DVL2: variants seen among roughly 807,000 people sequenced by gnomAD.
DVL2 encodes the protein dishevelled segment polarity protein 2.
A neutral mutation model predicts 69.8 loss-of-function variants in DVL2; 38 were observed. The observed-to-expected ratio is 0.54, with a 90% CI of 0.42 to 0.71. The LOEUF is 0.71. Among genes scored for constraint, DVL2 ranks in the 30% least tolerant of loss-of-function variants. DVL2 has a pLI of 0.00. For missense variants in DVL2, 931 were observed against 1,008.1 expected (o/e 0.92, Z 1.04); for synonymous variants, 428 against 392.4 (o/e 1.09, Z -1.07).
At chr17:7,227,315 C>A in intron 12 of DVL2, 46 bp from the exon 13 acceptor site, 1 of 1,600,666 alleles carries the variant, frequency 6.2e-7, no homozygotes, top group Non-Finnish European at 8.5e-7. Flanking sequence ...CTTCTTCCAA[C>A]TCCTGCTCTC....
Position 7,234,045 on chromosome 17 carries a change from G to A in DVL2, c.194+24C>T, listed in dbSNP as rs748084163. 8.1e-6 allele frequency: 13 copies of A among 1,612,266 alleles called. No homozygotes were observed. The South Asian group carries it at 1.4e-4, about 18-fold the overall frequency. On this transcript the variant is annotated intron_variant, in intron 1 of 14. Coordinates refer to ENST00000005340, the MANE Select transcript of DVL2 (RefSeq NM_004422.3). Reference sequence around the variant, plus strand: ...ATCCACTCTAGCAAAGCCCCCGCCGGTCCTATCTAGGCCTTGCGCTCACCC... The same window carrying A: ...ATCCACTCTAGCAAAGCCCCCGCCGATCCTATCTAGGCCTTGCGCTCACCC...
intron 1 of DVL2, among the ~76,000 whole-genome samples, chr17:7,232,896 TG>T (rs1567576540): frequency 6.6e-6 from 1 of 151,782 alleles, no homozygotes; most frequent in East Asian, 1.9e-4. Context: ...GAGACCAGTC[TG>T]GCTAAAACGG....
In DVL2 at chr17:7,230,107, G is replaced by A. The variant is rs918002959; in HGVS notation, c.459C>T (p.Thr153=). ...CCCGCCTCAGTGACACTACTGACTC[G>A]GTTTCTGTCTCAGGCTCCAGATTCT... is the stretch of plus-strand genomic sequence containing the variant. The part of the protein sequence containing the change: ...SHENLEPETE[T]ESVVSLRRER... The change falls in exon 4 of 15, where the codon ACC becomes ACT. Residue 153 remains threonine (T), a synonymous_variant. Coordinates refer to ENST00000005340, the MANE Select transcript of DVL2 (RefSeq NM_004422.3). 19 of 1,614,046 alleles carry A rather than the reference G, an allele frequency of 1.2e-5. No homozygotes were observed. The highest frequency in any genetic ancestry group is 4.0e-5 in the African/African-American group (3 of 74,930).
At chr17:7,231,395 A>G (rs1303199344) in intron 1 of DVL2, among the ~76,000 whole-genome samples, 1 of 144,226 alleles carries the variant, frequency 6.9e-6, no homozygotes, top group East Asian at 2.2e-4. Flanking sequence ...CCCGGGAGAC[A>G]GTGGTTGCAG....
In DVL2 at chr17:7,229,817, G is replaced by A. The variant is rs1020549764; in HGVS notation, c.647C>T (p.Thr216Ile). 18 of 1,611,764 alleles carry A rather than the reference G, an allele frequency of 1.1e-5. No homozygotes were observed. The highest frequency in any genetic ancestry group is 4.0e-5 in the African/African-American group (3 of 74,916). ...CTGTGCGGAGCCACACCTGCTCATGGTGTCCTCCTCGTCCGAGTCCCCCAG... is the reference window on the plus strand; with the variant it reads ...CTGTGCGGAGCCACACCTGCTCATGATGTCCTCCTCGTCCGAGTCCCCCAG... Reference protein sequence around the residue: ...TSLGDSDEEDTMSRFSSSTEQ... With the variant: ...TSLGDSDEEDIMSRFSSSTEQ... The change falls in exon 5 of 15, where the codon ACC becomes ATC. Residue 216 changes from threonine to isoleucine, a missense_variant. Transcript: ENST00000005340. The surrounding 1 kb of genome is among the most constrained non-coding windows in gnomAD (Gnocchi z 4.4).
In DVL2 at chr17:7,230,376, G is replaced by C. The variant is rs772423522; in HGVS notation, c.319C>G (p.Arg107Gly). The change falls in exon 3 of 15, where the codon CGG becomes GGG. Residue 107 changes from arginine to glycine, a missense_variant. Coordinates refer to ENST00000005340, the MANE Select transcript of DVL2 (RefSeq NM_004422.3). ...GGGGCTGGAGGCGCCAGTTCTGCCCGAGGCTCATGGACTGGAGGGGCCATC... is the reference window on the plus strand; with the variant it reads ...GGGGCTGGAGGCGCCAGTTCTGCCCCAGGCTCATGGACTGGAGGGGCCATC... ...PEMAPPVHEP[R>G]AELAPPAPPL... The C allele has an allele frequency of 1.2e-6, 2 of 1,614,170 alleles. No individual in the cohort carries two copies. The highest frequency in any genetic ancestry group is 1.7e-6 in the Non-Finnish European group (2 of 1,180,024).
At chr17:7,227,956 C>T (rs764026787) in intron 10 of DVL2, 21 bp downstream of exon 10, 2 of 1,576,132 alleles carry the variant, frequency 1.3e-6, no homozygotes, top group South Asian at 1.2e-5. Flanking sequence ...AACTTCAGGC[C>T]CCTCCCTGAG....
intron 13 of DVL2, 58 bp from the exon 14 acceptor site, chr17:7,226,697 A>G: frequency 1.5e-6 from 2 of 1,316,622 alleles, no homozygotes; most frequent in Non-Finnish European, 2.0e-6. Flanking sequence ...GGGCCCCAAG[A>G]CACCGAATGG....
At chr17:7,226,699 A>G (rs1159811931) in intron 13 of DVL2, 60 bp from the exon 14 acceptor site, 54 of 1,305,380 alleles carry the variant, frequency 4.1e-5, no homozygotes, top group South Asian at 1.7e-4. Flanking sequence ...GCCCCAAGAC[A>G]CCGAATGGAG....
chr17:7,227,184 G>A lies in DVL2; in HGVS notation c.1449C>T (p.Leu483=), dbSNP rs772868815. The A allele has an allele frequency of 9.9e-6, 16 of 1,613,940 alleles. No homozygotes were observed. The East Asian group carries it at 2.9e-4, about 29-fold the overall frequency. The change falls in exon 13 of 15, where the codon CTC becomes CTT. Residue 483 remains leucine, a synonymous_variant. Transcript: ENST00000005340. ...REARKYASGL[L]KAGLIRHTVN... is the part of the protein sequence containing the mutation. ...CGGTGTGTCGGATCAGGCCTGCTTT[G>A]AGCAGCCCGCTGGCATACTTGCGGG...
In DVL2 at chr17:7,226,736, C is replaced by G. The variant is rs145634625; in HGVS notation, c.1544-97G>C. 1.9e-3 allele frequency: 1,883 copies of G among 979,810 alleles called. 33 individuals carry two copies. In the African/African-American group the frequency reaches 0.028, roughly 15 times the overall value. 60.7% of individuals were successfully genotyped at this position (979,810 alleles called of 1,614,324 possible). A position where few individuals can be genotyped will look rare whatever the true frequency, so the allele number is the denominator to read the frequency against. On this transcript the variant is annotated intron_variant, in intron 13 of 14. Coordinates refer to ENST00000005340, the MANE Select transcript of DVL2 (RefSeq NM_004422.3). ...GGAACTGGGAACAGTTCTCCCAGAC[C>G]CACCCACGATGGGGCTCAAAACAGG...
At chr17:7,232,375 A>G (rs1597553180) in intron 1 of DVL2, among the ~76,000 whole-genome samples, 2 of 152,338 alleles carry the variant, frequency 1.3e-5, no homozygotes, top group South Asian at 4.1e-4. Context: ...AACACAGCCC[A>G]GTCACTACTA....
intron 13 of DVL2, 169 bp from the exon 14 acceptor site, chr17:7,226,808 G>T: frequency 1.5e-6 from 1 of 651,028 alleles, no homozygotes; most frequent in South Asian, 2.2e-5. Context: ...CTTCTGCCAT[G>T]AGGGCAGGGG....
At position 7,226,860 on chromosome 17, in the gene DVL2, G is replaced by A. The variant is rs113290633; in HGVS notation, c.1544-221C>T. ...CGTCTTTGCGGGACTCAGGTAAGAG[G>A]TGCACCTTCCCCCGGTGGACACAGT... On this transcript the variant is annotated intron_variant, in intron 13 of 14. Coordinates refer to ENST00000005340, the MANE Select transcript of DVL2 (RefSeq NM_004422.3). The A allele has an allele frequency of 1.8e-3, 1,132 of 628,916 alleles. 8 individuals carry two copies. The African/African-American group carries it at 0.019, about 10-fold the overall frequency. 39.0% of individuals were successfully genotyped at this position (628,916 alleles called of 1,614,324 possible). A position where few individuals can be genotyped will look rare whatever the true frequency, so the allele number is the denominator to read the frequency against.
chr17:7,229,226 C>T lies in DVL2; in HGVS notation c.866G>A (p.Arg289Gln), dbSNP rs772178047. The change falls in exon 8 of 15, where the codon CGG becomes CAG. Residue 289 changes from arginine (R) to glutamine (Q), a missense_variant. By Grantham distance (43) the Arg-to-Gln change is conservative (BLOSUM62 1). Around this residue, in one of 3 missense-constraint regions of DVL2, gnomAD observed 555 missense variants for 588.8 expected, o/e 0.94. Transcript: ENST00000005340. This position sits in a 1 kb window ranked among gnomAD's most constrained non-coding sequence, Gnocchi z 4.4. The part of the protein sequence containing the change: ...GISIVGQSNE[R>Q]GDGGIYIGSI... The stretch of plus-strand genomic sequence containing the variant: ...GCCAATGTAGATGCCTCCGTCTCCC[C>T]GCTCATTGCTCTGGCCAACAATGGA... The T allele has an allele frequency of 3.7e-6, 6 of 1,614,172 alleles. No individual in the cohort carries two copies. Among genetic ancestry groups the T allele is most frequent in the East Asian group, 2.2e-5 (1 of 44,880 alleles).
chr17:7,230,746 G>A lies in DVL2; in HGVS notation c.246C>T (p.Asn82=), dbSNP rs368447345. ...CTCTTACCCAGGATACCACCCTTCC[G>A]TTGAAGCAGGGGAGGCGGGCGTTGT... The part of the protein sequence containing the change: ...SDDNARLPCF[N]GRVVSWLVSS... Residue 82 remains asparagine (N), a synonymous_variant, in exon 2 of 15, where the codon AAC becomes AAT. Transcript: ENST00000005340. The A allele has an allele frequency of 5.0e-5, 81 of 1,613,322 alleles. No homozygotes were observed. The African/African-American group carries it at 9.3e-4, about 19-fold the overall frequency.
At chr17:7,230,855 C>T in intron 1 of DVL2, 58 bp from the exon 2 acceptor site, 1 of 1,359,514 alleles carries the variant, frequency 7.4e-7, no homozygotes, top group South Asian at 1.3e-5. Context: ...ACCCCGACCC[C>T]CATCAAACTT....
In DVL2 at chr17:7,225,627, T is replaced by C. The variant is rs980995814; in HGVS notation, c.*238A>G. 3.8e-5 allele frequency: 21 copies of C among 556,274 alleles called. No individual in the cohort carries two copies. Among genetic ancestry groups the C allele is most frequent in the South Asian group, 3.6e-4 (16 of 44,286 alleles). The allele number at this position is 556,274 out of a possible 1,614,324, so 34.5% of individuals were successfully genotyped here. On this transcript the variant is annotated 3_prime_UTR_variant, in exon 15 of 15. Coordinates refer to ENST00000005340, the MANE Select transcript of DVL2 (RefSeq NM_004422.3). ...AGTCCCAAAAATGTAAGAAACTCTATTTTAACCCCCAAAAAGGCTTATAAA... is the reference window on the plus strand; with the variant it reads ...AGTCCCAAAAATGTAAGAAACTCTACTTTAACCCCCAAAAAGGCTTATAAA...
intron 1 of DVL2, among the ~76,000 whole-genome samples, chr17:7,233,010 G>A (rs370833510): frequency 6.7e-6 from 1 of 148,582 alleles, no homozygotes; most frequent in Non-Finnish European, 1.5e-5. Flanking sequence ...GAATGGCGTG[G>A]ACCCGGGAGG....
Sources: allele counts gnomAD v4.1 joint callset (sites outside exome capture counted in the v4.1 genomes callset), GRCh38; gene constraint gnomAD v4.1.1; regional missense constraint gnomAD v4.1.1; non-coding constraint Gnocchi (gnomAD v3.1); transcripts MANE v1.5; gene names NCBI Gene and HGNC (gene_info 2026-07-23, HGNC 2026-07-21).